WDR27: variants seen among roughly 807,000 people sequenced by gnomAD.
WDR27 encodes the protein WD repeat domain 27, also known as WD repeat-containing protein 27.
WDR27 carries 100 observed loss-of-function variants against 114.4 expected under a neutral mutation model. That is an observed-to-expected ratio of 0.87 (90% CI 0.74 to 1.03). The LOEUF is 1.03. Ranked by LOEUF, WDR27 falls within the 50% of genes least tolerant of loss-of-function variation. The pLI, the probability that WDR27 is intolerant of heterozygous loss-of-function variation, is 0.00. For missense variants in WDR27, 1,129 were observed against 1,092.9 expected, an observed-to-expected ratio of 1.03 and a Z score of -0.47; for synonymous variants, 449 against 423.1, an observed-to-expected ratio of 1.06 and a Z score of -0.75.
chr6:169,462,783 A>G (rs3006217), intron 25 of WDR27, among the ~76,000 whole-genome samples: 56,633 of 152,070 alleles, frequency 0.37, 13,268 homozygotes, highest in Non-Finnish European at 0.53. Flanking sequence ...ATTGGAATTT[A>G]TTCCTGGAAT....
At chr6:169,624,492 G>C (rs576027292) in intron 21 of WDR27, among the ~76,000 whole-genome samples, 1 of 152,152 alleles carries the variant, frequency 6.6e-6, no homozygotes, top group African/African-American at 2.4e-5. Context: ...TTAGGGAGCC[G>C]GAGGGAGGCT....
At chr6:169,561,387 A>G (rs1584228721) in intron 25 of WDR27, among the ~76,000 whole-genome samples, 1 of 152,176 alleles carries the variant, frequency 6.6e-6, no homozygotes, top group Non-Finnish European at 1.5e-5. Flanking sequence ...GAAAACAAAC[A>G]TTTAGATCAT....
chr6:169,655,651 C>G lies in WDR27; in HGVS notation c.1402+2625G>C, dbSNP rs115943648. ...AGACTTCTCGGTGCCTCTTTGCCAG[C>G]TGGAGACCCCCGAGGCTGGCGATGC... On this transcript the variant is annotated intron_variant, in intron 13 of 25. Transcript: ENST00000448612. Among the ~76,000 whole-genome samples, 756 of 152,310 alleles carry G rather than the reference C, an allele frequency of 5.0e-3. 7 individuals are homozygous for G. Among genetic ancestry groups the G allele is most frequent in the African/African-American group, 0.017 (711 of 41,570 alleles).
chr6:169,495,993 T>C (rs1790353385), intron 25 of WDR27, among the ~76,000 whole-genome samples: 1 of 152,064 alleles, frequency 6.6e-6, no homozygotes, highest in South Asian at 2.1e-4. Context: ...ATATCCCTTA[T>C]GAACATTAAT....
At chr6:169,683,896 G>A (rs1486247750) in intron 2 of WDR27, among the ~76,000 whole-genome samples, 1 of 152,164 alleles carries the variant, frequency 6.6e-6, no homozygotes, top group East Asian at 1.9e-4. Flanking sequence ...GGAGCACGAA[G>A]TGTGCACTCC....
the WDR27 span, among the ~76,000 whole-genome samples, chr6:169,427,254 G>C: frequency 6.6e-6 from 1 of 152,166 alleles, no homozygotes; most frequent in Non-Finnish European, 1.5e-5. Flanking sequence ...CGCTCTGAAA[G>C]AAGGGAGCAA....
chr6:169,634,313 G>A lies in WDR27; in HGVS notation c.2101+115C>T, dbSNP rs552571841. ...GGCGAGCTCCATGAGAAGGGTCCCT[G>A]CATTCCCGGAGCCCCACACAATGCC... On this transcript the variant is annotated intron_variant, in intron 20 of 25. Coordinates refer to ENST00000448612, the MANE Select transcript of WDR27 (RefSeq NM_182552.5). The A allele has an allele frequency of 3.2e-4, 210 of 664,724 alleles. 4 individuals carry two copies. In the South Asian group the frequency reaches 4.0e-3, roughly 13 times the overall value. 41.2% of individuals were successfully genotyped at this position (664,724 alleles called of 1,614,324 possible).
chr6:169,427,444 C>CT, the WDR27 span, among the ~76,000 whole-genome samples: 3 of 151,962 alleles, frequency 2.0e-5, no homozygotes, highest in African/African-American at 7.2e-5. Flanking sequence ...CCGTGGGCCC[C>CT]CCATCTTAGA....
chr6:169,471,241 T>C (rs1786344179), intron 25 of WDR27, among the ~76,000 whole-genome samples: 1 of 151,944 alleles, frequency 6.6e-6, no homozygotes, highest in South Asian at 2.1e-4. Flanking sequence ...AATACAGAGC[T>C]AGAGCCATAG....
chr6:169,428,042 C>A, the WDR27 span, among the ~76,000 whole-genome samples: 3 of 152,158 alleles, frequency 2.0e-5, no homozygotes, highest in Non-Finnish European at 4.4e-5. Flanking sequence ...TGCCAAAGGT[C>A]CCGTCTCCAC....
At chr6:169,650,602 AT>A in intron 14 of WDR27, among the ~76,000 whole-genome samples, 1 of 115,284 alleles carries the variant, frequency 8.7e-6, no homozygotes, top group East Asian at 2.7e-4. Context: ...CCATCCCTCC[AT>A]CCCCTCCATC....
chr6:169,699,584 C>A (rs996786542), intron 1 of WDR27, among the ~76,000 whole-genome samples: 1 of 152,198 alleles, frequency 6.6e-6, no homozygotes, highest in Non-Finnish European at 1.5e-5. Flanking sequence ...CTGGTCCCCA[C>A]TGCCATGCTC....
intron 2 of WDR27, among the ~76,000 whole-genome samples, chr6:169,688,236 A>C (rs976639844): frequency 4.6e-5 from 7 of 152,234 alleles, no homozygotes; most frequent in Non-Finnish European, 5.9e-5. Flanking sequence ...TGAACCTCAT[A>C]AACATGCTGA....
the WDR27 span, among the ~76,000 whole-genome samples, chr6:169,428,414 A>G: frequency 6.6e-6 from 1 of 152,234 alleles, no homozygotes; most frequent in South Asian, 2.1e-4. Flanking sequence ...ACACAGTTCT[A>G]AATTTGTTAT....
the WDR27 span, among the ~76,000 whole-genome samples, chr6:169,435,880 AG>A: frequency 6.6e-6 from 1 of 152,196 alleles, no homozygotes; most frequent in Non-Finnish European, 1.5e-5. Context: ...GGGAGGGCCC[AG>A]GGGCAGAATG....
At chr6:169,456,585 G>A (rs1562437003), downstream of WDR27, among the ~76,000 whole-genome samples, 1 of 152,136 alleles carries the variant, frequency 6.6e-6, no homozygotes, top group African/African-American at 2.4e-5. The surrounding 1 kb of genome is among the most constrained non-coding windows in gnomAD (Gnocchi z 4.0). Flanking sequence ...TTAGGAGTCT[G>A]ATACATGCAG....
chr6:169,499,454 C>T (rs1181861687), intron 25 of WDR27, among the ~76,000 whole-genome samples: 2 of 152,200 alleles, frequency 1.3e-5, no homozygotes, highest in African/African-American at 4.8e-5. Flanking sequence ...AGAATTAAAC[C>T]TGCGCTAAAT....
intron 1 of WDR27, among the ~76,000 whole-genome samples, chr6:169,690,736 C>T (rs1326069949): frequency 2.0e-5 from 3 of 152,180 alleles, no homozygotes; most frequent in Admixed American, 6.5e-5. Context: ...CAGGACCTTC[C>T]GCTGCCTGCC....
chr6:169,597,188 G>A (rs998243488), intron 23 of WDR27, among the ~76,000 whole-genome samples: 11 of 152,144 alleles, frequency 7.2e-5, no homozygotes, highest in African/African-American at 2.7e-4. Context: ...TTCTAGGAAA[G>A]TCCAACAATG....
Sources: allele counts gnomAD v4.1 joint callset (sites outside exome capture counted in the v4.1 genomes callset), GRCh38; gene constraint gnomAD v4.1.1; non-coding constraint Gnocchi (gnomAD v3.1); transcripts MANE v1.5; gene names NCBI Gene and HGNC (gene_info 2026-07-23, HGNC 2026-07-21).